TMEM132D: variants seen among roughly 807,000 people sequenced by gnomAD.
The protein encoded by TMEM132D is transmembrane protein 132D, also known as mature OL transmembrane protein.
A neutral mutation model predicts 62.3 loss-of-function variants in TMEM132D; 21 were observed. The observed-to-expected ratio is 0.34, with a 90% CI of 0.24 to 0.49. TMEM132D has a LOEUF of 0.49. Among genes scored for constraint, TMEM132D ranks in the 20% least tolerant of loss-of-function variants. The pLI, the probability that TMEM132D is intolerant of heterozygous loss-of-function variation, is 0.99. For synonymous variants in TMEM132D, 621 were observed against 575.6 expected (o/e 1.08, Z -1.13); for missense variants, 1,346 against 1,402.8 (o/e 0.96, Z 0.65).
intron 2 of TMEM132D, among the ~76,000 whole-genome samples, chr12:129,666,585 A>C (rs932193002): frequency 6.6e-6 from 1 of 152,184 alleles, no homozygotes; most frequent in Non-Finnish European, 1.5e-5. Context: ...GAAAACTGTC[A>C]ATTTACCTAC....
chr12:129,593,126 A>G (rs1191295795), intron 2 of TMEM132D, among the ~76,000 whole-genome samples: 4 of 151,960 alleles, frequency 2.6e-5, no homozygotes, highest in Non-Finnish European at 4.4e-5. Context: ...ACTCTGGGGA[A>G]AAAAAAGGTT....
At chr12:129,577,148 C>G (rs1000833433) in intron 2 of TMEM132D, among the ~76,000 whole-genome samples, 5 of 151,772 alleles carry the variant, frequency 3.3e-5, no homozygotes, top group African/African-American at 1.2e-4. Context: ...ACTTGAGAAC[C>G]ACTAGAGATC....
intron 5 of TMEM132D, among the ~76,000 whole-genome samples, chr12:129,099,382 A>C (rs551677441): frequency 5.9e-5 from 9 of 152,168 alleles, no homozygotes; most frequent in African/African-American, 1.9e-4. Context: ...GGCAAAGGAG[A>C]AGCTTTCCTT....
At chr12:129,340,431 A>G (rs1215046672) in intron 3 of TMEM132D, among the ~76,000 whole-genome samples, 2 of 152,058 alleles carry the variant, frequency 1.3e-5, no homozygotes, top group Admixed American at 6.6e-5. Flanking sequence ...TACATTAGGT[A>G]TATCTCCTAA....
At chr12:129,408,482 T>C (rs1871864040) in intron 3 of TMEM132D, among the ~76,000 whole-genome samples, 1 of 151,868 alleles carries the variant, frequency 6.6e-6, no homozygotes, top group Non-Finnish European at 1.5e-5. Flanking sequence ...ATGCCAATAC[T>C]GATGTCTTAA....
intron 4 of TMEM132D, among the ~76,000 whole-genome samples, chr12:129,242,535 C>A (rs1879964324): frequency 6.6e-6 from 1 of 152,098 alleles, no homozygotes; most frequent in Admixed American, 6.5e-5. Context: ...TCTTCCCTGA[C>A]AACACTGGTC....
intron 1 of TMEM132D, among the ~76,000 whole-genome samples, chr12:129,808,381 T>C (rs991315483): frequency 2.6e-5 from 4 of 152,164 alleles, no homozygotes; most frequent in Non-Finnish European, 4.4e-5. Flanking sequence ...ACAAACTCTT[T>C]GTGAAACTGG....
chr12:129,692,823 A>G lies in TMEM132D; in HGVS notation c.968+6987T>C, dbSNP rs1005663191. Among the ~76,000 whole-genome samples, 14 of 152,114 alleles carry G rather than the reference A, an allele frequency of 9.2e-5. 1 individual carries two copies. Among genetic ancestry groups the G allele is most frequent in the Non-Finnish European group, 1.8e-4 (12 of 68,026 alleles). The stretch of plus-strand genomic sequence containing the variant: ...GAGAAAACAGGGACACAGAGAGCGG[A>G]ACAACATTCACTGGGGCCTGTCGGG... On this transcript the variant is annotated intron_variant, in intron 2 of 8. Transcript: ENST00000422113.
chr12:129,156,919 C>T (rs1460673916), intron 5 of TMEM132D, among the ~76,000 whole-genome samples: 2 of 151,834 alleles, frequency 1.3e-5, no homozygotes, highest in Non-Finnish European at 2.9e-5. Flanking sequence ...TAACACACTC[C>T]CCAAATAACT....
At position 129,714,526 on chromosome 12, in the gene TMEM132D, A is replaced by T. The variant is rs75523495; in HGVS notation, c.80-13828T>A. 5.8e-3 allele frequency among the ~76,000 whole-genome samples: 877 copies of T among 152,276 alleles called. 1 individual carries two copies. Among genetic ancestry groups the T allele is most frequent in the East Asian group, 0.018 (94 of 5,168 alleles). Reference sequence around the variant, plus strand: ...CAAGCTTCCAGCCATGCAGGAGGAAACAGTCCTGGACCGCTAATGTACAGC... The same window carrying T: ...CAAGCTTCCAGCCATGCAGGAGGAATCAGTCCTGGACCGCTAATGTACAGC... On this transcript the variant is annotated intron_variant, in intron 1 of 8. Transcript: ENST00000422113.
At chr12:129,280,932 T>C (rs1881126856) in intron 4 of TMEM132D, among the ~76,000 whole-genome samples, 1 of 152,104 alleles carries the variant, frequency 6.6e-6, no homozygotes, top group African/African-American at 2.4e-5. Context: ...GGTCTCTTGG[T>C]GGGCTGGTAA....
intron 4 of TMEM132D, among the ~76,000 whole-genome samples, chr12:129,246,574 C>T (rs977949194): frequency 2.6e-5 from 4 of 152,026 alleles, no homozygotes; most frequent in African/African-American, 4.8e-5. Flanking sequence ...TGGCCAACAT[C>T]GTGAACACCT....
chr12:129,244,706 T>A (rs940578757), intron 4 of TMEM132D, among the ~76,000 whole-genome samples: 1 of 152,078 alleles, frequency 6.6e-6, no homozygotes, highest in Non-Finnish European at 1.5e-5. Context: ...AGTGGTGCAA[T>A]CTCAGCTTGC....
chr12:129,712,504 G>A (rs1868407636), intron 1 of TMEM132D, among the ~76,000 whole-genome samples: 1 of 152,192 alleles, frequency 6.6e-6, no homozygotes, highest in Non-Finnish European at 1.5e-5. Context: ...GCAGGTGGGA[G>A]TGGCCACCTC....
chr12:129,278,495 C>T (rs763483511), intron 4 of TMEM132D, among the ~76,000 whole-genome samples: 2 of 152,110 alleles, frequency 1.3e-5, no homozygotes, highest in Non-Finnish European at 2.9e-5. Flanking sequence ...TCTTAACCCC[C>T]GTCTTGCATC....
chr12:129,162,670 C>T (rs974062132), intron 5 of TMEM132D, among the ~76,000 whole-genome samples: 1 of 152,022 alleles, frequency 6.6e-6, no homozygotes, highest in Non-Finnish European at 1.5e-5. Flanking sequence ...AACTGTGTGG[C>T]ACCTCCCCGA....
chr12:129,210,214 G>C (rs1172023347), intron 4 of TMEM132D: 1 of 153,872 alleles, frequency 6.5e-6, no homozygotes, highest in African/African-American at 2.4e-5. Context: ...TGGCCAGAGG[G>C]GCCTGGTGTT....
intron 5 of TMEM132D, among the ~76,000 whole-genome samples, chr12:129,114,307 A>G (rs1474104067): frequency 6.6e-6 from 1 of 152,050 alleles, no homozygotes; most frequent in Non-Finnish European, 1.5e-5. Context: ...GCTGCTAAAC[A>G]TTCTATAATG....
chr12:129,901,881 A>AG (rs1875368470), intron 1 of TMEM132D, among the ~76,000 whole-genome samples: 7 of 150,990 alleles, frequency 4.6e-5, no homozygotes, highest in Non-Finnish European at 8.9e-5. Flanking sequence ...CCCCAAAAAA[A>AG]AAATGCTGGG....
Sources: gnomAD v4.1 joint callset for allele counts (sites outside exome capture counted in the v4.1 genomes callset) on GRCh38, gnomAD v4.1.1 for gene constraint, MANE v1.5 for transcripts, NCBI Gene and HGNC (gene_info 2026-07-23, HGNC 2026-07-21) for gene names.